The following APC variants were observed in gnomAD, a reference collection of about 807,000 sequenced individuals.
APC encodes adenomatous polyposis coli protein.
Under a neutral mutation model 247.0 loss-of-function variants are expected in APC, and 72 were observed. That is an observed-to-expected ratio of 0.29 (90% CI 0.24 to 0.35). The LOEUF (loss-of-function observed/expected upper bound fraction) is 0.35. APC is among the 10% of genes least tolerant of loss of function. The pLI is 1.00. For synonymous variants in APC, 1,254 were observed against 1,162.5 expected (o/e 1.08, Z -1.60); for missense variants, 3,400 against 3,360.7 (o/e 1.01, Z -0.29).
intron 8 of APC, among the ~76,000 whole-genome samples, chr5:112,806,171 G>A (rs76301217): frequency 1.3e-5 from 2 of 152,136 alleles, no homozygotes; most frequent in Admixed American, 6.5e-5. Flanking sequence ...AGAGAGGCTC[G>A]AACAGATCAA....
At chr5:112,752,420 A>G (rs1478689528) in intron 1 of APC, among the ~76,000 whole-genome samples, 1 of 152,168 alleles carries the variant, frequency 6.6e-6, no homozygotes, top group Admixed American at 6.5e-5. Context: ...ACATTTGAAT[A>G]AAAGTCTAGA....
intron 7 of APC, among the ~76,000 whole-genome samples, chr5:112,793,497 AC>A (rs11291630): frequency 0.64 from 97,453 of 151,840 alleles, 31,574 homozygotes; most frequent in East Asian, 0.82. Flanking sequence ...AAAGAGACTT[AC>A]ATGGAAAAAT....
intron 4 of APC, among the ~76,000 whole-genome samples, chr5:112,774,101 A>C (rs147605201): frequency 1.3e-5 from 2 of 152,352 alleles, no homozygotes; most frequent in African/African-American, 4.8e-5. Context: ...TATTCAATGC[A>C]GCATTGTTTA....
intron 1 of APC, among the ~76,000 whole-genome samples, chr5:112,750,636 T>C (rs975641754): frequency 2.3e-4 from 35 of 152,196 alleles, no homozygotes; most frequent in African/African-American, 8.2e-4. Context: ...CCCATTTGTT[T>C]GAAGTACCCT....
At chr5:112,723,839 T>C (rs1245994357) in intron 1 of APC, among the ~76,000 whole-genome samples, 1 of 152,194 alleles carries the variant, frequency 6.6e-6, no homozygotes, top group Admixed American at 6.5e-5. Context: ...ACCTTACCAT[T>C]ACTGCCCCCA....
chr5:112,793,956 T>A (rs374543937), intron 7 of APC, among the ~76,000 whole-genome samples: 101 of 152,172 alleles, frequency 6.6e-4, no homozygotes, highest in African/African-American at 2.2e-3. Flanking sequence ...CCTTTACATT[T>A]GTAAATAACA....
chr5:112,807,825 C>G (rs1761568210), intron 8 of APC, among the ~76,000 whole-genome samples: 1 of 152,098 alleles, frequency 6.6e-6, no homozygotes, highest in African/African-American at 2.4e-5. Flanking sequence ...TTCCCTGTTT[C>G]ACTGTGTATT....
intron 10 of APC, among the ~76,000 whole-genome samples, chr5:112,821,023 C>G (rs896723925): frequency 1.3e-5 from 2 of 150,402 alleles, no homozygotes; most frequent in Non-Finnish European, 3.0e-5. Flanking sequence ...GCCACCACAA[C>G]TGACTAATTT....
Position 112,837,846 on chromosome 5 carries a change from C to T in APC, c.2252C>T (p.Ser751Phe), listed in dbSNP as rs775429951. ...NIMSPGSSLP[S>F]LHVRKQKALE... ...ATGTCTCCTGGCTCAAGCTTGCCAT[C>T]TCTTCATGTTAGGAAACAAAAAGCC... Residue 751 changes from serine (S) to phenylalanine (F), a missense_variant, in exon 16 of 16, where the codon TCT (serine) becomes TTT (phenylalanine). Around this residue, in one of 9 missense-constraint regions of APC, gnomAD observed 91 missense variants for 103.3 expected, o/e 0.88. Coordinates refer to ENST00000257430, the MANE Select transcript of APC (RefSeq NM_000038.6). 12 of 1,614,050 alleles carry T rather than the reference C, an allele frequency of 7.4e-6. No individual in the cohort carries two copies. In the South Asian group the frequency reaches 1.3e-4, roughly 18 times the overall value.
rs374810878 is a variant in APC at position 112,728,352 on chromosome 5, G to A, written c.165+20470G>A. Among the ~76,000 whole-genome samples, 60 of 152,058 alleles carry A rather than the reference G, an allele frequency of 3.9e-4. No individual in the cohort carries two copies. The South Asian group carries it at 0.012, about 32-fold the overall frequency. Reference sequence around the variant, plus strand: ...TCACCATGTTGGCCAGGCTGCTCTTGAACTCCTGACCTCAAATGATCCGCC... The same window carrying A: ...TCACCATGTTGGCCAGGCTGCTCTTAAACTCCTGACCTCAAATGATCCGCC... On this transcript the variant is annotated intron_variant, in intron 1 of 13. Transcript: ENST00000507379.
At chr5:112,825,560 G>A (rs760370315) in intron 11 of APC, among the ~76,000 whole-genome samples, 3 of 151,980 alleles carry the variant, frequency 2.0e-5, no homozygotes, top group Non-Finnish European at 4.4e-5. Flanking sequence ...TGTTAGATAC[G>A]CATTCATCTG....
intron 1 of APC, among the ~76,000 whole-genome samples, chr5:112,732,238 C>T (rs1752136986): frequency 6.6e-6 from 1 of 152,272 alleles, no homozygotes; most frequent in South Asian, 2.1e-4. Context: ...AAATGGTTTC[C>T]CTACTGTAGT....
upstream of APC, among the ~76,000 whole-genome samples, chr5:112,736,457 C>CT: frequency 6.6e-6 from 1 of 152,294 alleles, no homozygotes; most frequent in East Asian, 1.9e-4. Context: ...CATAATCTCA[C>CT]TTTCCAGGAA....
chr5:112,817,810 C>A (rs1762659224), intron 9 of APC, among the ~76,000 whole-genome samples: 1 of 152,132 alleles, frequency 6.6e-6, no homozygotes. Context: ...AACTGAGGCT[C>A]AGAGAAATCA....
chr5:112,719,337 C>T (rs1157957555), intron 1 of APC, among the ~76,000 whole-genome samples: 1 of 151,948 alleles, frequency 6.6e-6, no homozygotes, highest in Non-Finnish European at 1.5e-5. Flanking sequence ...CCTGCCTCAG[C>T]CCTCCGAGTA....
At chr5:112,726,067 G>C (rs1188408311) in intron 1 of APC, among the ~76,000 whole-genome samples, 1 of 152,202 alleles carries the variant, frequency 6.6e-6, no homozygotes, top group Non-Finnish European at 1.5e-5. Context: ...GCACACAGAC[G>C]GGCAGGTGCA....
At chr5:112,735,334 G>A (rs1432192938), upstream of APC, among the ~76,000 whole-genome samples, 2 of 151,944 alleles carry the variant, frequency 1.3e-5, no homozygotes, top group South Asian at 2.1e-4. Flanking sequence ...TGTCACCACA[G>A]CTGGCTAATT....
rs140001221 is a variant in APC at position 112,767,526 on chromosome 5, A to G, written c.422+136A>G. The G allele has an allele frequency of 1.6e-3, 1,096 of 678,918 alleles. 10 individuals carry two copies. In the African/African-American group the frequency reaches 0.018, roughly 11 times the overall value. 42.1% of individuals were successfully genotyped at this position (678,918 alleles called of 1,614,324 possible). A position where few individuals can be genotyped will look rare whatever the true frequency, so the allele number is the denominator to read the frequency against. On this transcript the variant is annotated intron_variant, in intron 4 of 15. Transcript: ENST00000257430. ...GCATTTTGCATTTTTAAACTCAAAG[A>G]TAGCATGTTATTGATTGCACTTACA...
chr5:112,840,844 C>A lies in APC; in HGVS notation c.5250C>A (p.Val1750=), dbSNP rs2229997. ...GTGTGAAAAAGATAATGGACCAGGTCCAGCAAGCATCTGCGTCTTCTTCTG... is the reference window on the plus strand; with the variant it reads ...GTGTGAAAAAGATAATGGACCAGGTACAGCAAGCATCTGCGTCTTCTTCTG... ...PFRVKKIMDQ[V]QQASASSSAP... The change falls in exon 16 of 16, where the codon GTC becomes GTA. Residue 1750 remains valine (V), a synonymous_variant. Transcript: ENST00000257430. This position sits in a 1 kb window ranked among gnomAD's most constrained non-coding sequence, Gnocchi z 4.1. 1 of 1,614,026 alleles carries A rather than the reference C, an allele frequency of 6.2e-7. No individual in the cohort carries two copies. The highest frequency in any genetic ancestry group is 1.1e-5 in the South Asian group (1 of 91,072).
Sources: gnomAD v4.1 joint callset for allele counts (sites outside exome capture counted in the v4.1 genomes callset) on GRCh38, gnomAD v4.1.1 for gene constraint, gnomAD v4.1.1 regional missense constraint, Gnocchi (gnomAD v3.1) non-coding constraint, MANE v1.5 for transcripts, NCBI Gene and HGNC (gene_info 2026-07-23, HGNC 2026-07-21) for gene names.